The following ITK variants were observed in gnomAD, a reference collection of about 807,000 sequenced individuals.
ITK encodes tyrosine-protein kinase ITK/TSK.
In ITK, 45 loss-of-function variants were observed where a neutral mutation model predicts 87.6. The observed-to-expected ratio is 0.51, with a 90% CI of 0.40 to 0.66. The LOEUF is 0.66. Among genes scored for constraint, ITK ranks in the 30% least tolerant of loss-of-function variants. The probability of loss-of-function intolerance (pLI) is 0.00; values close to 1 mark genes in which losing one functional copy is unlikely to be tolerated. For missense variants in ITK, 605 were observed against 766.3 expected, an observed-to-expected ratio of 0.79 and a Z score of 2.48; for synonymous variants, 303 against 273.6, an observed-to-expected ratio of 1.11 and a Z score of -1.06.
rs1561657410 is a variant in ITK, at chr5:157,222,921, A to G, written c.554A>G (p.Asn185Ser). 1.1e-5 allele frequency: 17 copies of G among 1,614,126 alleles called. No homozygotes were observed. Among genetic ancestry groups the G allele is most frequent in the Non-Finnish European group, 1.4e-5 (17 of 1,180,024 alleles). ...ATTGCCTTATATGACTACCAAACCA[A>G]TGATCCTCAGGAACTCGCACTGCGG... ...VVIALYDYQT[N>S]DPQELALRRN... The change falls in exon 6 of 17, where the codon AAT becomes AGT. Residue 185 changes from asparagine (N) to serine (S), a missense_variant. Transcript: ENST00000422843.
intron 1 of ITK, among the ~76,000 whole-genome samples, chr5:157,196,815 A>G (rs958614010): frequency 6.6e-6 from 1 of 152,248 alleles, no homozygotes; most frequent in African/African-American, 2.4e-5. Flanking sequence ...GCTTAAAAAG[A>G]AGACACAAAA....
At chr5:157,206,720 A>T (rs1014525920) in intron 1 of ITK, among the ~76,000 whole-genome samples, 2 of 152,132 alleles carry the variant, frequency 1.3e-5, no homozygotes, top group Non-Finnish European at 2.9e-5. Context: ...CTGTGGGGTT[A>T]GTGGTAACAT....
At chr5:157,185,069 A>G (rs1412674395) in intron 1 of ITK, among the ~76,000 whole-genome samples, 1 of 152,078 alleles carries the variant, frequency 6.6e-6, no homozygotes, top group African/African-American at 2.4e-5. Flanking sequence ...TTTCTAAATT[A>G]AAGATGGTAG....
At chr5:157,209,328 CAAAA>C (rs34768868) in intron 2 of ITK, among the ~76,000 whole-genome samples, 21 of 122,606 alleles carry the variant, frequency 1.7e-4, no homozygotes, top group Admixed American at 1.5e-3. Flanking sequence ...GAGACTCCGT[CAAAA>C]AAAAAAAAAA....
At chr5:157,181,824 C>T (rs1753535166) in intron 1 of ITK, among the ~76,000 whole-genome samples, 2 of 152,190 alleles carry the variant, frequency 1.3e-5, no homozygotes. Flanking sequence ...GTCAGTCTAT[C>T]TCTTTATCTA....
chr5:157,214,121 G>A, intron 3 of ITK, 70 bp from the exon 4 acceptor site: 1 of 1,270,180 alleles, frequency 7.9e-7, no homozygotes, highest in Non-Finnish European at 1.2e-6. Flanking sequence ...ATCTCGAGGT[G>A]TTATAAAATT....
In ITK at chr5:157,222,686, G is replaced by A. The variant is rs1580893987; in HGVS notation, c.496-177G>A. 5 of 652,094 alleles carry A rather than the reference G, an allele frequency of 7.7e-6. No individual in the cohort carries two copies. The East Asian group carries it at 8.4e-5, about 11-fold the overall frequency. 40.4% of individuals were successfully genotyped at this position (652,094 alleles called of 1,614,324 possible). A position where few individuals can be genotyped will look rare whatever the true frequency, so the allele number is the denominator to read the frequency against. On this transcript the variant is annotated intron_variant, in intron 5 of 16. Coordinates refer to ENST00000422843, the MANE Select transcript of ITK (RefSeq NM_005546.4). ...GGTCAGAATTTACCTCATAGAATGA[G>A]CAATGTGATGAATTCCAAGCACTGA...
chr5:157,223,943 A>AT (rs2113761682), intron 6 of ITK, among the ~76,000 whole-genome samples: 1 of 152,338 alleles, frequency 6.6e-6, no homozygotes, highest in South Asian at 2.1e-4. Context: ...AGAAATATAC[A>AT]TAAAAAATAA....
At chr5:157,252,178 T>G (rs1216054451) in intron 16 of ITK, among the ~76,000 whole-genome samples, 3 of 152,234 alleles carry the variant, frequency 2.0e-5, no homozygotes, top group African/African-American at 7.2e-5. Context: ...GAATTTTTAA[T>G]TTTTTCTCAT....
rs186939873 is a variant in ITK at position 157,250,813 on chromosome 5, A to G, written c.1792-1794A>G. Among the ~76,000 whole-genome samples the G allele has an allele frequency of 4.1e-3, 620 of 151,688 alleles. 4 individuals carry two copies. The highest frequency in any genetic ancestry group is 0.014 in the African/African-American group (591 of 41,358). ...GTGCTCAGGCAGACTGGTTTCCTTC[A>G]CTTAGTAATATGCCTTTAAGGTCCC... On this transcript the variant is annotated intron_variant, in intron 16 of 16. Coordinates refer to ENST00000422843, the MANE Select transcript of ITK (RefSeq NM_005546.4).
intron 9 of ITK, among the ~76,000 whole-genome samples, chr5:157,239,352 G>T (rs919410209): frequency 6.6e-6 from 1 of 152,138 alleles, no homozygotes; most frequent in African/African-American, 2.4e-5. Flanking sequence ...GCTTAATTCC[G>T]CCAGCAACAA....
intron 7 of ITK, among the ~76,000 whole-genome samples, chr5:157,232,107 C>T (rs1483413561): frequency 1.3e-5 from 2 of 152,144 alleles, no homozygotes; most frequent in East Asian, 3.8e-4. Flanking sequence ...ATGTTTCTTT[C>T]CAATTAAACA....
At chr5:157,207,657 G>C (rs1041931512) in intron 1 of ITK, among the ~76,000 whole-genome samples, 1 of 152,014 alleles carries the variant, frequency 6.6e-6, no homozygotes, top group African/African-American at 2.4e-5. Context: ...TAGGATTACA[G>C]GCGTGAGCCA....
intron 1 of ITK, 58 bp from the exon 2 acceptor site, chr5:157,208,831 C>T: frequency 8.0e-7 from 1 of 1,251,606 alleles, no homozygotes. Flanking sequence ...CTGGAGCAAT[C>T]TGGACAAAAA....
Position 157,211,386 on chromosome 5 carries a change from CCATTGAAT to C in ITK, c.325+21_325+28del, listed in dbSNP as rs765135449. 3 of 1,583,810 alleles carry C rather than the reference CCATTGAAT, an allele frequency of 1.9e-6. No individual in the cohort carries two copies. Among genetic ancestry groups the C allele is most frequent in the Non-Finnish European group, 1.7e-6 (2 of 1,152,488 alleles). ...TAAAGAAGGTAATTAAACTCCTTTG[CCATTGAAT>C]CACTGACACTCTTGATCCTATAGTA... On this transcript the variant is annotated intron_variant, in intron 3 of 16. Transcript: ENST00000422843.
At chr5:157,210,043 A>G (rs904142323) in intron 2 of ITK, among the ~76,000 whole-genome samples, 3 of 151,824 alleles carry the variant, frequency 2.0e-5, no homozygotes, top group African/African-American at 7.3e-5. Context: ...CTCCTGCCTC[A>G]GCCTACTGAA....
intron 13 of ITK, 146 bp from the exon 14 acceptor site, chr5:157,245,580 T>A: frequency 1.4e-6 from 1 of 723,788 alleles, no homozygotes; most frequent in Non-Finnish European, 2.5e-6. Context: ...TTTGTGAGGC[T>A]TAATTAACAT....
chr5:157,187,968 TA>T (rs561101482), intron 1 of ITK, among the ~76,000 whole-genome samples: 2,812 of 150,512 alleles, frequency 0.019, 81 homozygotes, highest in African/African-American at 0.066. Context: ...CTTGGCTATT[TA>T]AAAAAAAAAT....
At chr5:157,242,908 G>A (rs991598203) in intron 11 of ITK, among the ~76,000 whole-genome samples, 7 of 152,240 alleles carry the variant, frequency 4.6e-5, no homozygotes, top group Non-Finnish European at 7.3e-5. Context: ...GCCTGCTGTT[G>A]AGTCTCTGCC....
Sources: allele counts gnomAD v4.1 joint callset (sites outside exome capture counted in the v4.1 genomes callset), GRCh38; gene constraint gnomAD v4.1.1; transcripts MANE v1.5; gene names NCBI Gene and HGNC (gene_info 2026-07-23, HGNC 2026-07-21).